Variants in PCSK2 observed in about 807,000 individuals in gnomAD.
The protein encoded by PCSK2 is proprotein convertase subtilisin/kexin type 2, also known as neuroendocrine convertase 2.
In PCSK2, 14 loss-of-function variants were observed where a neutral mutation model predicts 69.7. The observed-to-expected ratio is 0.20, with a 90% CI of 0.13 to 0.31. The LOEUF (loss-of-function observed/expected upper bound fraction) is 0.31, where lower values mean the gene tolerates loss of function less well. Ranked by LOEUF, PCSK2 falls within the 10% of genes least tolerant of loss-of-function variation. The probability of loss-of-function intolerance (pLI) is 1.00; values close to 1 mark genes in which losing one functional copy is unlikely to be tolerated. For missense variants in PCSK2, 544 were observed against 842.5 expected (o/e 0.65, Z 4.39); for synonymous variants, 307 against 320.7 (o/e 0.96, Z 0.46).
intron 2 of PCSK2, among the ~76,000 whole-genome samples, chr20:17,342,823 T>C (rs2123175523): frequency 6.6e-6 from 1 of 152,030 alleles, no homozygotes; most frequent in South Asian, 2.1e-4. Context: ...TTTTCCTTTT[T>C]TTCTTTTTTT....
chr20:17,346,401 T>C (rs981660), intron 2 of PCSK2, among the ~76,000 whole-genome samples: 139,641 of 152,156 alleles, frequency 0.92, 64,176 homozygotes, highest in South Asian at 0.96. Context: ...TCTCCTCGTC[T>C]CCCCACCATC....
intron 1 of PCSK2, among the ~76,000 whole-genome samples, chr20:17,255,878 A>AT (rs762622734): frequency 4.6e-4 from 70 of 151,962 alleles, no homozygotes; most frequent in Admixed American, 1.2e-3. Flanking sequence ...TTTGATGAGC[A>AT]TTTTTTTGCC....
At chr20:17,264,856 C>A (rs1276745138) in intron 2 of PCSK2, among the ~76,000 whole-genome samples, 2 of 74,028 alleles carry the variant, frequency 2.7e-5, no homozygotes, top group Non-Finnish European at 5.5e-5. Context: ...ATTTTCTTTT[C>A]TTTCTTTCTT....
chr20:17,483,397 C>T lies in PCSK2; in HGVS notation c.*1327C>T, dbSNP rs34409298. 8,183 of 152,296 alleles carry T rather than the reference C, an allele frequency of 0.054. 284 individuals carry two copies. Among genetic ancestry groups the T allele is most frequent in the Non-Finnish European group, 0.081 (5,533 of 68,054 alleles). The allele number at this position is 152,296 out of a possible 1,614,324, so 9.4% of individuals were successfully genotyped here. ...GCAACCCGAAGGTTATGGTCAATCC[C>T]AAAAGTCACCACTCCATTCCCAACT... On this transcript the variant is annotated 3_prime_UTR_variant, in exon 12 of 12. Transcript: ENST00000262545.
intron 1 of PCSK2, among the ~76,000 whole-genome samples, chr20:17,258,430 A>C (rs1232471015): frequency 1.3e-5 from 2 of 152,148 alleles, no homozygotes; most frequent in African/African-American, 4.8e-5. Context: ...TTCTTATTCT[A>C]TCATACCTGA....
chr20:17,297,759 A>G (rs1490629726), intron 2 of PCSK2, among the ~76,000 whole-genome samples: 1 of 152,248 alleles, frequency 6.6e-6, no homozygotes, highest in Non-Finnish European at 1.5e-5. Context: ...CTTCCAGGAT[A>G]AACACTGCCA....
At chr20:17,353,763 C>T (rs2030095526) in intron 2 of PCSK2, among the ~76,000 whole-genome samples, 1 of 152,148 alleles carries the variant, frequency 6.6e-6, no homozygotes, top group Non-Finnish European at 1.5e-5. Flanking sequence ...CAAAGGTGGA[C>T]TGGATAAAGA....
intron 2 of PCSK2, among the ~76,000 whole-genome samples, chr20:17,344,040 A>G (rs1020582019): frequency 6.6e-6 from 1 of 152,224 alleles, no homozygotes; most frequent in Admixed American, 6.5e-5. Flanking sequence ...TTCTCCTGGT[A>G]TTTCTCAAAG....
At chr20:17,324,769 G>T (rs1989989503) in intron 2 of PCSK2, among the ~76,000 whole-genome samples, 1 of 152,182 alleles carries the variant, frequency 6.6e-6, no homozygotes, top group African/African-American at 2.4e-5. Context: ...TAAAAAGCAT[G>T]CTCCCACAGT....
chr20:17,360,246 T>C (rs1228796860), intron 3 of PCSK2, among the ~76,000 whole-genome samples: 1 of 152,060 alleles, frequency 6.6e-6, no homozygotes, highest in African/African-American at 2.4e-5. Flanking sequence ...ATGGAAAAAG[T>C]TTAAAGATAG....
chr20:17,338,698 T>G (rs1990427894), intron 2 of PCSK2, among the ~76,000 whole-genome samples: 1 of 151,840 alleles, frequency 6.6e-6, no homozygotes, highest in East Asian at 1.9e-4. Flanking sequence ...AGAAACAGAG[T>G]GAGAGAGGGG....
chr20:17,365,058 G>A (rs186881469), intron 4 of PCSK2, among the ~76,000 whole-genome samples: 25 of 152,312 alleles, frequency 1.6e-4, no homozygotes, highest in Admixed American at 8.5e-4. Flanking sequence ...GCCTTAGTCC[G>A]TTCCTGATGC....
At chr20:17,368,279 G>A (rs2030658386) in intron 4 of PCSK2, among the ~76,000 whole-genome samples, 1 of 152,102 alleles carries the variant, frequency 6.6e-6, no homozygotes, top group African/African-American at 2.4e-5. Flanking sequence ...CATACCACAT[G>A]CATTCATTTC....
intron 2 of PCSK2, among the ~76,000 whole-genome samples, chr20:17,331,982 T>C (rs1297878224): frequency 6.6e-6 from 1 of 152,208 alleles, no homozygotes; most frequent in African/African-American, 2.4e-5. Context: ...GCACTGGTTA[T>C]AATAATAATT....
intron 6 of PCSK2, among the ~76,000 whole-genome samples, chr20:17,424,163 T>G (rs536364874): frequency 6.6e-6 from 1 of 152,324 alleles, no homozygotes; most frequent in Non-Finnish European, 1.5e-5. Flanking sequence ...TCATTAGAAG[T>G]ATAAATAAAT....
intron 2 of PCSK2, among the ~76,000 whole-genome samples, chr20:17,304,634 A>AT (rs567996725): frequency 4.4e-4 from 67 of 152,274 alleles, no homozygotes; most frequent in South Asian, 3.9e-3. Flanking sequence ...CAACTTACAC[A>AT]TTTTTTTAAA....
intron 5 of PCSK2, among the ~76,000 whole-genome samples, chr20:17,401,742 C>T (rs1292113257): frequency 6.6e-6 from 1 of 152,084 alleles, no homozygotes; most frequent in Admixed American, 6.5e-5. Flanking sequence ...AATGAAGATA[C>T]ATGTTGATGA....
intron 5 of PCSK2, among the ~76,000 whole-genome samples, chr20:17,396,821 T>C (rs902461640): frequency 6.6e-6 from 1 of 152,146 alleles, no homozygotes; most frequent in South Asian, 2.1e-4. Flanking sequence ...AGTCTTGCCA[T>C]GTTGCCCAGG....
chr20:17,282,558 A>G (rs1047769055), intron 2 of PCSK2, among the ~76,000 whole-genome samples: 2 of 152,206 alleles, frequency 1.3e-5, no homozygotes, highest in African/African-American at 4.8e-5. Context: ...AGTTCATGCC[A>G]ACATAATACC....
Sources: gnomAD v4.1 joint callset for allele counts (sites outside exome capture counted in the v4.1 genomes callset) on GRCh38, gnomAD v4.1.1 for gene constraint, MANE v1.5 for transcripts, NCBI Gene and HGNC (gene_info 2026-07-23, HGNC 2026-07-21) for gene names.